SF3B3: variants seen among roughly 807,000 people sequenced by gnomAD.
SF3B3 encodes SAP 130.
In SF3B3, 33 loss-of-function variants were observed where a neutral mutation model predicts 139.2. The observed-to-expected ratio is 0.24, with a 90% CI of 0.18 to 0.32. The LOEUF is 0.32. Among genes scored for constraint, SF3B3 ranks in the 10% least tolerant of loss-of-function variants. SF3B3 has a pLI of 1.00. For synonymous variants in SF3B3, 596 were observed against 563.6 expected (o/e 1.06, Z -0.81); for missense variants, 818 against 1,509.4 (o/e 0.54, Z 7.59).
intron 7 of SF3B3, 88 bp from the exon 8 acceptor site, chr16:70,539,016 A>G: frequency 2.1e-6 from 2 of 958,322 alleles, no homozygotes. Flanking sequence ...GAAATACAGT[A>G]TTTTATTTGC....
intron 24 of SF3B3, among the ~76,000 whole-genome samples, chr16:70,570,666 T>G (rs1262247869): frequency 6.6e-6 from 1 of 152,180 alleles, no homozygotes; most frequent in East Asian, 1.9e-4. Context: ...AGGGTTTGCT[T>G]CAGTCTGATG....
Position 70,571,876 on chromosome 16 carries a change from T to G in SF3B3, c.*63T>G. The G allele has an allele frequency of 6.5e-7, 1 of 1,548,318 alleles. No homozygotes were observed. The highest frequency in any genetic ancestry group is 8.7e-7 in the Non-Finnish European group (1 of 1,147,074). ...GTTTTGTTTCCCCCACCACCATCAC[T>G]GCCACCTGGCTTCTGCCATGTGGCA... On this transcript the variant is annotated 3_prime_UTR_variant, in exon 26 of 26. Coordinates refer to ENST00000302516, the MANE Select transcript of SF3B3 (RefSeq NM_012426.5).
intron 1 of SF3B3, among the ~76,000 whole-genome samples, 172 bp from the exon 2 acceptor site, chr16:70,526,415 C>T (rs1179046040): frequency 6.6e-6 from 1 of 152,068 alleles, no homozygotes; most frequent in Admixed American, 6.6e-5. Context: ...ACTGTGTTGC[C>T]CAAGCTGGTC....
chr16:70,556,770 GT>G, intron 14 of SF3B3, 115 bp from the exon 15 acceptor site: 1 of 1,150,732 alleles, frequency 8.7e-7, no homozygotes, highest in Non-Finnish European at 1.3e-6. Flanking sequence ...CACTCCCCGG[GT>G]TTTTTCTGTG....
chr16:70,571,651 T>C (rs2050530747), intron 25 of SF3B3, 22 bp from the exon 26 acceptor site: 10 of 1,593,094 alleles, frequency 6.3e-6, no homozygotes, highest in South Asian at 2.2e-5. Flanking sequence ...TTTTTTTTCT[T>C]TCTGCTTTCT....
rs1469001834 is a variant in SF3B3, at chr16:70,536,125, T to C, written c.825+705T>C. On this transcript the variant is annotated intron_variant, in intron 6 of 25. Coordinates refer to ENST00000302516, the MANE Select transcript of SF3B3 (RefSeq NM_012426.5). ...TCCCAAAAAGTTCCTTTGTAATTAA[T>C]TGGCCTTTAGTCTCCCTTAGTTCAG... 3.3e-5 allele frequency among the ~76,000 whole-genome samples: 5 copies of C among 152,252 alleles called. No individual in the cohort carries two copies. In the East Asian group the frequency reaches 9.6e-4, roughly 29 times the overall value.
intron 10 of SF3B3, among the ~76,000 whole-genome samples, chr16:70,546,905 G>A (rs2050273712): frequency 6.6e-6 from 1 of 152,056 alleles, no homozygotes; most frequent in Non-Finnish European, 1.5e-5. Flanking sequence ...GCGGGCGCCT[G>A]TAGTCCCAGC....
chr16:70,531,665 A>G (rs2050122814), intron 4 of SF3B3, among the ~76,000 whole-genome samples: 1 of 152,258 alleles, frequency 6.6e-6, no homozygotes, highest in Non-Finnish European at 1.5e-5. Flanking sequence ...TCAGAGGTTA[A>G]GCAACTATTT....
chr16:70,532,629 C>G lies in SF3B3; in HGVS notation c.712+9C>G, dbSNP rs767696951. ...CAACTTCCTTATTACAGGTACTTTT[C>G]TTTCAGAGCTGCTTTGTACCCTTTT... On this transcript the variant is annotated intron_variant, in intron 5 of 25. Coordinates refer to ENST00000302516, the MANE Select transcript of SF3B3 (RefSeq NM_012426.5). 2.5e-5 allele frequency: 40 copies of G among 1,613,752 alleles called. No individual in the cohort carries two copies. The highest frequency in any genetic ancestry group is 1.0e-4 in the Admixed American group (6 of 59,988).
In SF3B3 at chr16:70,565,132, A is replaced by T; in HGVS notation, c.2531A>T (p.Asn844Ile). 1 of 1,614,190 alleles carries T rather than the reference A, an allele frequency of 6.2e-7. No individual in the cohort carries two copies. Residue 844 changes from asparagine to isoleucine, a missense_variant, in exon 19 of 26, where the codon AAT (asparagine) becomes ATT (isoleucine). Physicochemically the swap from Asn to Ile is moderately radical, Grantham distance 149. Transcript: ENST00000302516. ...LAAEMAAAFL[N>I]ENLPESIFGA... is the part of the protein sequence containing the mutation. Reference sequence around the variant, plus strand: ...GCAGAGATGGCAGCAGCATTCCTCAATGAAAACCTCCCTGAATCCATCTTT... The same window carrying T: ...GCAGAGATGGCAGCAGCATTCCTCATTGAAAACCTCCCTGAATCCATCTTT...
At chr16:70,556,040 A>T in intron 13 of SF3B3, 139 bp from the exon 14 acceptor site, 1 of 768,906 alleles carries the variant, frequency 1.3e-6, no homozygotes, top group Non-Finnish European at 2.1e-6. Context: ...GTCATTTACT[A>T]TAGTAAGAGG....
At chr16:70,558,843 C>T (rs773290277) in intron 15 of SF3B3, among the ~76,000 whole-genome samples, 3 of 152,320 alleles carry the variant, frequency 2.0e-5, no homozygotes, top group Admixed American at 6.5e-5. Flanking sequence ...GCGATCCACC[C>T]GCCTTGGCCT....
At position 70,536,495 on chromosome 16, in the gene SF3B3, G is replaced by A. The variant is rs368294827; in HGVS notation, c.825+1075G>A. Among the ~76,000 whole-genome samples, 35 of 151,924 alleles carry A rather than the reference G, an allele frequency of 2.3e-4. No homozygotes were observed. The South Asian group carries it at 4.8e-3, about 21-fold the overall frequency. ...TTCTCCTGCCTCAGCCTCTCGGGTA[G>A]CTGGGACTACAGGCGCCCACCACCA... On this transcript the variant is annotated intron_variant, in intron 6 of 25. Transcript: ENST00000302516.
chr16:70,562,346 A>G (rs2050436682), intron 17 of SF3B3, among the ~76,000 whole-genome samples: 1 of 152,204 alleles, frequency 6.6e-6, no homozygotes, highest in Non-Finnish European at 1.5e-5. Context: ...AAAGTTGTTC[A>G]CATCCTGGTT....
At position 70,548,436 on chromosome 16, in the gene SF3B3, A is replaced by G. The variant is rs1337879297; in HGVS notation, c.1396A>G (p.Ile466Val). The G allele has an allele frequency of 2.5e-6, 4 of 1,613,590 alleles. No homozygotes were observed. Among genetic ancestry groups the G allele is most frequent in the Middle Eastern group, 1.7e-4 (1 of 5,900 alleles). Residue 466 changes from isoleucine (I) to valine (V), a missense_variant, in exon 11 of 26, where the codon ATT becomes GTT. Around this residue, in one of 14 missense-constraint regions of SF3B3, gnomAD observed 31 missense variants for 77.3 expected, o/e 0.40. Transcript: ENST00000302516. Reference sequence around the variant, plus strand: ...CGCTGTCTGGACAGTGCGTCGACACATTGAAGGTAAGCAGCTTTTTCCCAA... The same window carrying G: ...CGCTGTCTGGACAGTGCGTCGACACGTTGAAGGTAAGCAGCTTTTTCCCAA... ...PNAVWTVRRH[I>V]EDEFDAYIIV...
At position 70,541,852 on chromosome 16, in the gene SF3B3, G is replaced by C. The variant is rs774281119; in HGVS notation, c.1233+18G>C. ...TTTGCCAGGTTGGTGGGCCTTTCCA[G>C]CCCCTTCCACAATAGATCTAAAGTT... On this transcript the variant is annotated intron_variant, in intron 9 of 25. Transcript: ENST00000302516. 3 of 1,607,860 alleles carry C rather than the reference G, an allele frequency of 1.9e-6. No homozygotes were observed. In the African/African-American group the frequency reaches 4.0e-5, roughly 22 times the overall value.
At chr16:70,536,245 G>A (rs1284048063) in intron 6 of SF3B3, among the ~76,000 whole-genome samples, 5 of 151,568 alleles carry the variant, frequency 3.3e-5, no homozygotes, top group Non-Finnish European at 7.4e-5. Context: ...TTGGCTCACT[G>A]AAACCTCTGC....
At chr16:70,560,699 T>G (rs1260331550) in intron 16 of SF3B3, 108 bp downstream of exon 16, 2 of 1,296,818 alleles carry the variant, frequency 1.5e-6, no homozygotes, top group Non-Finnish European at 2.2e-6. Flanking sequence ...CACTCCATCT[T>G]GATTGGTTTC....
In SF3B3 at chr16:70,573,108, C is replaced by T. The variant is rs2050545307; in HGVS notation, c.*1295C>T. 1 of 152,228 alleles carries T rather than the reference C, an allele frequency of 6.6e-6. No individual in the cohort carries two copies. Among genetic ancestry groups the T allele is most frequent in the Non-Finnish European group, 1.5e-5 (1 of 68,052 alleles). The allele number at this position is 152,228 out of a possible 1,614,324, so 9.4% of individuals were successfully genotyped here. On this transcript the variant is annotated 3_prime_UTR_variant, in exon 26 of 26. Transcript: ENST00000302516. The stretch of plus-strand genomic sequence containing the variant: ...AGGGTTCCTGACACTGTGACACTGT[C>T]TCCTGGAACTAAGTATCTCTTGAAT...
Sources: allele counts gnomAD v4.1 joint callset (sites outside exome capture counted in the v4.1 genomes callset), GRCh38; gene constraint gnomAD v4.1.1; regional missense constraint gnomAD v4.1.1; transcripts MANE v1.5; gene names NCBI Gene and HGNC (gene_info 2026-07-23, HGNC 2026-07-21).